Variants in TBKBP1 observed in about 807,000 individuals in gnomAD.
TBKBP1 encodes TBK1 binding protein 1.
TBKBP1 carries 47 observed loss-of-function variants against 69.9 expected under a neutral mutation model. The observed-to-expected ratio is 0.67, with a 90% confidence interval of 0.53 to 0.86. TBKBP1 has a LOEUF of 0.86. Among genes scored for constraint, TBKBP1 ranks in the 40% least tolerant of loss-of-function variants. The probability of loss-of-function intolerance (pLI) is 0.00; values close to 1 mark genes in which losing one functional copy is unlikely to be tolerated. For missense variants in TBKBP1, 831 were observed against 858.6 expected (o/e 0.97, Z 0.40); for synonymous variants, 418 against 390.3 (o/e 1.07, Z -0.84).
intron 7 of TBKBP1, among the ~76,000 whole-genome samples, chr17:47,701,701 C>T (rs1262482677): frequency 1.3e-5 from 2 of 152,188 alleles, no homozygotes; most frequent in Non-Finnish European, 2.9e-5. Context: ...GCAGGGCTCC[C>T]AGGGGCCAAG....
chr17:47,703,212 C>G (rs368004856), intron 7 of TBKBP1, among the ~76,000 whole-genome samples: 7 of 152,250 alleles, frequency 4.6e-5, no homozygotes, highest in East Asian at 1.9e-4. Flanking sequence ...CCTCCCCCCC[C>G]ACCCCTCTCT....
chr17:47,702,601 G>A (rs1210038593), intron 7 of TBKBP1, among the ~76,000 whole-genome samples: 1 of 151,926 alleles, frequency 6.6e-6, no homozygotes, highest in Admixed American at 6.6e-5. Context: ...CACAAGTTCT[G>A]GCCATTAACG....
rs1468566364 is a variant in TBKBP1, at chr17:47,699,626, TCTTC to T, written c.811-6_811-3del. The T allele has an allele frequency of 6.2e-7, 1 of 1,613,972 alleles. No homozygotes were observed. Among genetic ancestry groups the T allele is most frequent in the African/African-American group, 1.3e-5 (1 of 75,032 alleles). The stretch of plus-strand genomic sequence containing the variant: ...AGCTTGGGCTCTGACCTCTTCATCT[TCTTC>T]CTTAGGATCTGGCCTCCAACCAGTC... On this transcript the variant is annotated splice_polypyrimidine_tract_variant and splice_region_variant and intron_variant, in intron 6 of 9. Transcript: ENST00000578982.
At position 47,698,601 on chromosome 17, in the gene TBKBP1, C is replaced by G; in HGVS notation, c.460C>G (p.Leu154Val). 9 of 1,590,054 alleles carry G rather than the reference C, an allele frequency of 5.7e-6. No homozygotes were observed. Among genetic ancestry groups the G allele is most frequent in the Non-Finnish European group, 7.7e-6 (9 of 1,168,292 alleles). Residue 154 changes from leucine to valine, a missense_variant, in exon 5 of 10, where the codon CTG becomes GTG. Transcript: ENST00000578982. The stretch of plus-strand genomic sequence containing the variant: ...CCTCTGTCTCTCTCTCCAGAGGGCC[C>G]TGGTGGAGACGCACCTGCGTCAGAT... ...LETELREMRA[L>V]VETHLRQICG... is the part of the protein sequence containing the mutation.
chr17:47,700,182 G>A (rs1196167120), intron 7 of TBKBP1, among the ~76,000 whole-genome samples: 1 of 151,090 alleles, frequency 6.6e-6, no homozygotes. Flanking sequence ...GTAGAGATGG[G>A]GTTTCACTGC....
intron 4 of TBKBP1, 23 bp from the exon 5 acceptor site, chr17:47,698,572 C>T (rs2031346501): frequency 6.4e-7 from 1 of 1,562,468 alleles, no homozygotes; most frequent in Non-Finnish European, 8.7e-7. Context: ...TGTGCAGACC[C>T]TCCCCTCTGT....
At chr17:47,705,840 G>A (rs1013867677) in intron 7 of TBKBP1, among the ~76,000 whole-genome samples, 7 of 152,180 alleles carry the variant, frequency 4.6e-5, no homozygotes, top group South Asian at 2.1e-4. Flanking sequence ...TCACCTTGCC[G>A]GGGACTTAGC....
chr17:47,698,026 C>G (rs1190004856), intron 4 of TBKBP1, among the ~76,000 whole-genome samples: 1 of 150,418 alleles, frequency 6.6e-6, no homozygotes, highest in African/African-American at 2.4e-5. Flanking sequence ...AGTTAAGTCA[C>G]TTAGCCTCCA....
At chr17:47,702,242 G>C (rs1263306412) in intron 7 of TBKBP1, among the ~76,000 whole-genome samples, 3 of 152,102 alleles carry the variant, frequency 2.0e-5, no homozygotes, top group Non-Finnish European at 4.4e-5. Flanking sequence ...TGACTTTCCA[G>C]GCTGGTGGGA....
chr17:47,701,714 T>G (rs529226858), intron 7 of TBKBP1, among the ~76,000 whole-genome samples: 1 of 152,242 alleles, frequency 6.6e-6, no homozygotes, highest in South Asian at 2.1e-4. Context: ...GGGCCAAGGT[T>G]GTATTGTGTG....
chr17:47,694,895 G>GC (rs2031154719), intron 1 of TBKBP1, among the ~76,000 whole-genome samples: 2 of 150,840 alleles, frequency 1.3e-5, no homozygotes, highest in South Asian at 2.1e-4. Flanking sequence ...CGGAGGGGGG[G>GC]GGGTGGATTG....
At chr17:47,703,467 G>A (rs952743115) in intron 7 of TBKBP1, among the ~76,000 whole-genome samples, 1 of 152,170 alleles carries the variant, frequency 6.6e-6, no homozygotes, top group Non-Finnish European at 1.5e-5. Context: ...CAGGGCACCC[G>A]CGCTGCACTC....
At chr17:47,704,745 G>C (rs2031639484) in intron 7 of TBKBP1, among the ~76,000 whole-genome samples, 1 of 152,190 alleles carries the variant, frequency 6.6e-6, no homozygotes. Flanking sequence ...CCCACTCCTA[G>C]TCTGACCCTG....
At position 47,699,821 on chromosome 17, in the gene TBKBP1, G is replaced by A. The variant is rs185726408; in HGVS notation, c.872+124G>A. ...GCATCCTTCATAGGAAGGAGGTGGG[G>A]TTCTTTTTTTTTTTTTTTGAGATGG... On this transcript the variant is annotated intron_variant, in intron 7 of 9. Coordinates refer to ENST00000578982, the MANE Select transcript of TBKBP1 (RefSeq NM_001394755.1). 8.1e-6 allele frequency: 9 copies of A among 1,112,864 alleles called. No individual in the cohort carries two copies. In the Admixed American group the frequency reaches 1.6e-4, roughly 20 times the overall value. 68.9% of individuals were successfully genotyped at this position (1,112,864 alleles called of 1,614,324 possible). A position where few individuals can be genotyped will look rare whatever the true frequency, so the allele number is the denominator to read the frequency against.
chr17:47,695,654 G>A (rs1024339762), intron 1 of TBKBP1: 1 of 156,536 alleles, frequency 6.4e-6, no homozygotes, highest in African/African-American at 2.4e-5. Flanking sequence ...TTGGGGAGGA[G>A]CTGGGGTGCC....
Position 47,708,735 on chromosome 17 carries a change from C to T in TBKBP1, c.1002C>T (p.His334=). The change falls in exon 9 of 10, where the codon CAC becomes CAT. Residue 334 remains histidine, a synonymous_variant. Transcript: ENST00000578982. The surrounding 1 kb of genome is among the most constrained non-coding windows in gnomAD (Gnocchi z 4.4). ...CGGTTTCTCTTCCAGGCCAGAGGCA[C>T]TCGCCGCTGTCACAACGCCACTCCC... The part of the protein sequence containing the change: ...QEQARSGGQR[H]SPLSQRHSPA... 6.7e-7 allele frequency: 1 copy of T among 1,490,472 alleles called. No individual in the cohort carries two copies. The highest frequency in any genetic ancestry group is 8.9e-7 in the Non-Finnish European group (1 of 1,124,520). 92.3% of individuals were successfully genotyped at this position (1,490,472 alleles called of 1,614,324 possible).
chr17:47,700,143 C>T lies in TBKBP1; in HGVS notation c.872+446C>T, dbSNP rs574471146. Among the ~76,000 whole-genome samples the T allele has an allele frequency of 1.5e-3, 223 of 151,780 alleles. 1 individual carries two copies. Among genetic ancestry groups the T allele is most frequent in the African/African-American group, 5.3e-3 (219 of 41,408 alleles). ...CTAGGACTACAGGCGCTCGCCACTA[C>T]GCCTGGCTAATTTTTTTTTGTATTT... On this transcript the variant is annotated intron_variant, in intron 7 of 9. Transcript: ENST00000578982.
chr17:47,700,289 C>CTTTTGTTTTTTTTTTTT (rs2031445815), intron 7 of TBKBP1, among the ~76,000 whole-genome samples: 1 of 41,476 alleles, frequency 2.4e-5, no homozygotes, highest in East Asian at 7.1e-4. Flanking sequence ...GCGCCCGGAC[C>CTTTTGTTTTTTTTTTTT]TTTTTTTTTT....
rs543024037 is a variant in TBKBP1 at position 47,696,668 on chromosome 17, G to GC, written c.226-42dup. On this transcript the variant is annotated intron_variant, in intron 2 of 9. Transcript: ENST00000578982. ...ACAGCCAGGCTGAGGCCTGGGCTGG[G>GC]CACCCGGGAATCCACTCTCCTGAAG... is the stretch of plus-strand genomic sequence containing the variant. The GC allele has an allele frequency of 7.4e-5, 120 of 1,613,272 alleles. No homozygotes were observed. In the African/African-American group the frequency reaches 1.5e-3, roughly 20 times the overall value.
Sources: gnomAD v4.1 joint callset for allele counts (sites outside exome capture counted in the v4.1 genomes callset) on GRCh38, gnomAD v4.1.1 for gene constraint, Gnocchi (gnomAD v3.1) non-coding constraint, MANE v1.5 for transcripts, NCBI Gene and HGNC (gene_info 2026-07-23, HGNC 2026-07-21) for gene names.